Variants in VPS13C observed in about 807,000 individuals in gnomAD.
The protein encoded by VPS13C is vacuolar protein sorting 13 homolog C, also known as intermembrane lipid transfer protein VPS13C.
Under a neutral mutation model 456.8 loss-of-function variants are expected in VPS13C, and 358 were observed. The ratio of observed to expected loss-of-function variants is 0.78; its 90% confidence interval spans 0.72 to 0.86. VPS13C has a LOEUF of 0.86. Ranked by LOEUF, VPS13C falls within the 40% of genes least tolerant of loss-of-function variation. The pLI, the probability that VPS13C is intolerant of heterozygous loss-of-function variation, is 0.00. For missense variants in VPS13C, 4,818 were observed against 4,385.4 expected, an observed-to-expected ratio of 1.10 and a Z score of -2.79; for synonymous variants, 1,578 against 1,486.7, an observed-to-expected ratio of 1.06 and a Z score of -1.41.
At position 62,001,050 on chromosome 15, in the gene VPS13C, C is replaced by G. The variant is rs1414887228; in HGVS notation, c.1291-424G>C. On this transcript the variant is annotated intron_variant, in intron 15 of 84. Transcript: ENST00000644861. The stretch of plus-strand genomic sequence containing the variant: ...ACATAATATTTAAGAATGTAAAATT[C>G]TGCAAATCAATAATTAGGCTAAAGT... Among the ~76,000 whole-genome samples, 4 of 152,146 alleles carry G rather than the reference C, an allele frequency of 2.6e-5. No individual in the cohort carries two copies. The East Asian group carries it at 7.7e-4, about 29-fold the overall frequency.
chr15:62,034,733 A>AATAAATTCAT (rs1212053359), intron 4 of VPS13C, among the ~76,000 whole-genome samples: 8 of 152,008 alleles, frequency 5.3e-5, no homozygotes, highest in Middle Eastern at 6.8e-3. Flanking sequence ...GAATAAATTG[A>AATAAATTCAT]AAAAATGAAT....
chr15:62,056,999 G>A (rs1049135540), intron 1 of VPS13C, among the ~76,000 whole-genome samples: 11 of 151,978 alleles, frequency 7.2e-5, no homozygotes, highest in Admixed American at 6.6e-5. Flanking sequence ...AGACATTCGG[G>A]GCCACTACCG....
intron 37 of VPS13C, among the ~76,000 whole-genome samples, chr15:61,957,056 G>A (rs548163093): frequency 6.6e-6 from 1 of 152,214 alleles, no homozygotes; most frequent in South Asian, 2.1e-4. Flanking sequence ...CAACCTGAAT[G>A]TCCATCAAAG....
At chr15:61,928,323 A>G (rs905596637) in intron 51 of VPS13C, among the ~76,000 whole-genome samples, 6 of 152,156 alleles carry the variant, frequency 3.9e-5, no homozygotes, top group Non-Finnish European at 7.3e-5. Context: ...GAATATCAGG[A>G]AGAGGAAAAG....
At chr15:61,874,198 T>C (rs1374226710) in intron 77 of VPS13C, among the ~76,000 whole-genome samples, 1 of 151,810 alleles carries the variant, frequency 6.6e-6, no homozygotes, top group African/African-American at 2.4e-5. Flanking sequence ...GAGGAGAGGA[T>C]AGGGAGAGAT....
At position 61,856,275 on chromosome 15, in the gene VPS13C, T is replaced by A; in HGVS notation, c.11076+11A>T. 2 of 1,612,634 alleles carry A rather than the reference T, an allele frequency of 1.2e-6. No homozygotes were observed. The highest frequency in any genetic ancestry group is 1.7e-6 in the Non-Finnish European group (2 of 1,179,172). Reference sequence around the variant, plus strand: ...AACTCTTAGCTCTAAAGGTGTGACATGTTTTCTTACCTTAACTGAAATTTT... The same window carrying A: ...AACTCTTAGCTCTAAAGGTGTGACAAGTTTTCTTACCTTAACTGAAATTTT... On this transcript the variant is annotated intron_variant, in intron 83 of 84. Coordinates refer to ENST00000644861, the MANE Select transcript of VPS13C (RefSeq NM_020821.3).
chr15:61,961,838 T>C lies in VPS13C; in HGVS notation c.3659A>G (p.Gln1220Arg), dbSNP rs746273004. 3 of 1,613,996 alleles carry C rather than the reference T, an allele frequency of 1.9e-6. No homozygotes were observed. In the South Asian group the frequency reaches 3.3e-5, roughly 18 times the overall value. The change falls in exon 35 of 85, where the codon CAG becomes CGG. Residue 1220 changes from glutamine (Q) to arginine (R), a missense_variant. This residue lies in a region of VPS13C where 4,552 missense variants were observed against 4,130.6 expected (regional missense o/e 1.10). Coordinates refer to ENST00000644861, the MANE Select transcript of VPS13C (RefSeq NM_020821.3). ...ACTTGTGGCAGCCCTTTCTGCAGCC[T>C]GGGCAGTGGCAGCACTCAGAGACTC... ...AKESLSAATA[Q>R]AAERAATSVK... is the part of the protein sequence containing the mutation.
chr15:61,982,654 T>A, intron 20 of VPS13C, 81 bp from the exon 21 acceptor site: 2 of 909,778 alleles, frequency 2.2e-6, no homozygotes, highest in Non-Finnish European at 3.4e-6. Context: ...ACCTCAATTC[T>A]AAACAGCTGT....
rs2042868871 is a variant in VPS13C at position 61,897,652 on chromosome 15, A to G, written c.9106-7252T>C. ...TGGTGTACCTGAAAGTGATGGGGAG[A>G]ATGGAACCAAGTTGGAAAACACTCT... On this transcript the variant is annotated intron_variant, in intron 66 of 84. Transcript: ENST00000644861. 2.0e-5 allele frequency among the ~76,000 whole-genome samples: 3 copies of G among 152,274 alleles called. No individual in the cohort carries two copies. In the South Asian group the frequency reaches 6.2e-4, roughly 32 times the overall value.
chr15:61,934,736 A>G (rs1293211802), intron 48 of VPS13C, among the ~76,000 whole-genome samples: 1 of 151,880 alleles, frequency 6.6e-6, no homozygotes, highest in African/African-American at 2.4e-5. Flanking sequence ...ACCTCTCACT[A>G]ACTTTATTTT....
At chr15:62,053,542 T>G (rs187384610) in intron 1 of VPS13C, among the ~76,000 whole-genome samples, 1 of 152,222 alleles carries the variant, frequency 6.6e-6, no homozygotes, top group African/African-American at 2.4e-5. Flanking sequence ...GCGGAGGAAG[T>G]GGCAGTACCA....
intron 38 of VPS13C, among the ~76,000 whole-genome samples, chr15:61,952,506 T>C (rs1038013818): frequency 1.3e-5 from 2 of 152,114 alleles, no homozygotes; most frequent in South Asian, 4.1e-4. Context: ...ACTTTATATA[T>C]GTGTGTGTGT....
At chr15:61,999,943 G>A (rs556123941) in intron 16 of VPS13C, among the ~76,000 whole-genome samples, 27 of 150,300 alleles carry the variant, frequency 1.8e-4, no homozygotes, top group African/African-American at 4.9e-4. Flanking sequence ...GCATAAATAC[G>A]CAGGTATATA....
chr15:61,946,013 T>C, intron 44 of VPS13C, 131 bp from the exon 45 acceptor site: 1 of 894,024 alleles, frequency 1.1e-6, no homozygotes. Flanking sequence ...TTAAAAATTA[T>C]TAGCTAAAAA....
intron 13 of VPS13C, among the ~76,000 whole-genome samples, chr15:62,009,275 T>C (rs891697151): frequency 6.6e-6 from 1 of 151,434 alleles, no homozygotes; most frequent in Non-Finnish European, 1.5e-5. Context: ...CATCTTACCA[T>C]CAACACAGCA....
At chr15:62,022,799 C>T (rs1050959942) in intron 8 of VPS13C, among the ~76,000 whole-genome samples, 1 of 151,890 alleles carries the variant, frequency 6.6e-6, no homozygotes, top group Non-Finnish European at 1.5e-5. Flanking sequence ...ATGTTTCAAA[C>T]TTTTAAACAA....
intron 81 of VPS13C, chr15:61,866,631 C>T (rs1894613645): frequency 1.0e-6 from 1 of 985,098 alleles, no homozygotes; most frequent in Admixed American, 6.2e-5. Flanking sequence ...TTTGCCAATG[C>T]TAAATTATCT....
In VPS13C at chr15:61,911,861, C is replaced by A; in HGVS notation, c.8694G>T (p.Trp2898Cys). The change falls in exon 63 of 85, where the codon TGG becomes TGT. Residue 2898 changes from tryptophan (W) to cysteine (C), a missense_variant. Physicochemically the swap from Trp to Cys is radical, Grantham distance 215 (BLOSUM62 -2). This residue lies in a region of VPS13C where 4,552 missense variants were observed against 4,130.6 expected (regional missense o/e 1.10). Coordinates refer to ENST00000644861, the MANE Select transcript of VPS13C (RefSeq NM_020821.3). ...ASDGSMPTNK[W>C]NYIASSECLP... is the part of the protein sequence containing the mutation. ...CTACCTCTGAAGAAGCAATATAGTT[C>A]CATTTATTAGTTGGCATTGAGCCAT... The A allele has an allele frequency of 6.2e-7, 1 of 1,609,348 alleles. No individual in the cohort carries two copies. The highest frequency in any genetic ancestry group is 8.5e-7 in the Non-Finnish European group (1 of 1,177,810).
chr15:61,991,930 A>T (rs2046237005), intron 16 of VPS13C, 128 bp from the exon 17 acceptor site: 1 of 984,932 alleles, frequency 1.0e-6, no homozygotes, highest in East Asian at 2.7e-5. Flanking sequence ...ACCAGTCAAG[A>T]TCTTAAATGA....
Sources: allele counts gnomAD v4.1 joint callset (sites outside exome capture counted in the v4.1 genomes callset), GRCh38; gene constraint gnomAD v4.1.1; regional missense constraint gnomAD v4.1.1; transcripts MANE v1.5; gene names NCBI Gene and HGNC (gene_info 2026-07-23, HGNC 2026-07-21).